Variants in GRM7 observed in about 807,000 individuals in gnomAD.
GRM7 encodes metabotropic glutamate receptor 7.
Under a neutral mutation model 84.5 loss-of-function variants are expected in GRM7, and 35 were observed. The ratio of observed to expected loss-of-function variants is 0.41; its 90% CI spans 0.32 to 0.55. GRM7 has a LOEUF of 0.55. Among genes scored for constraint, GRM7 ranks in the 20% least tolerant of loss-of-function variants. The pLI is 0.19. For synonymous variants in GRM7, 487 were observed against 455.1 expected (o/e 1.07, Z -0.89); for missense variants, 1,003 against 1,194.6 (o/e 0.84, Z 2.36).
chr3:7,722,448 C>CT (rs34076976), intron 9 of GRM7, among the ~76,000 whole-genome samples: 2,461 of 136,482 alleles, frequency 0.018, 46 homozygotes, highest in Non-Finnish European at 0.024. Context: ...ATCCTTGTGT[C>CT]TTTTTTTTTT....
intron 4 of GRM7, among the ~76,000 whole-genome samples, chr3:7,335,627 T>C (rs1315250782): frequency 6.6e-6 from 1 of 151,958 alleles, no homozygotes; most frequent in Non-Finnish European, 1.5e-5. Flanking sequence ...GCTGTTTCTT[T>C]GAAAAGATAA....
intron 4 of GRM7, among the ~76,000 whole-genome samples, chr3:7,354,838 C>A (rs1275100971): frequency 6.6e-6 from 1 of 152,196 alleles, no homozygotes; most frequent in Non-Finnish European, 1.5e-5. Context: ...CCATATCTGC[C>A]TATAAGGCGC....
chr3:7,637,197 G>A (rs541924276), intron 8 of GRM7, among the ~76,000 whole-genome samples: 1 of 152,256 alleles, frequency 6.6e-6, no homozygotes, highest in African/African-American at 2.4e-5. Context: ...AGGCTACAGT[G>A]CAGTGGCACA....
intron 4 of GRM7, among the ~76,000 whole-genome samples, chr3:7,406,431 C>T (rs1003114485): frequency 1.3e-5 from 2 of 149,334 alleles, no homozygotes; most frequent in Non-Finnish European, 3.0e-5. Context: ...ACCCGGGGGA[C>T]GGAGCTTGCA....
At chr3:6,881,642 A>G (rs190207737) in intron 1 of GRM7, among the ~76,000 whole-genome samples, 203 of 152,066 alleles carry the variant, frequency 1.3e-3, no homozygotes, top group Non-Finnish European at 2.4e-3. Flanking sequence ...ATGAACAGAT[A>G]CTTCTCAAAA....
intron 4 of GRM7, among the ~76,000 whole-genome samples, chr3:7,382,067 A>G (rs1034679989): frequency 6.6e-6 from 1 of 152,182 alleles, no homozygotes; most frequent in African/African-American, 2.4e-5. Context: ...ACCAACAGCC[A>G]TTCATCAATA....
chr3:7,525,849 C>A (rs797000278), intron 7 of GRM7, among the ~76,000 whole-genome samples: 19 of 152,190 alleles, frequency 1.2e-4, no homozygotes, highest in African/African-American at 4.3e-4. Flanking sequence ...AGGATAATAG[C>A]CTTCAGCTCC....
At chr3:7,507,753 G>A (rs1700080954) in intron 7 of GRM7, among the ~76,000 whole-genome samples, 1 of 152,134 alleles carries the variant, frequency 6.6e-6, no homozygotes, top group South Asian at 2.1e-4. Context: ...TTATAATTCA[G>A]TGTATTTTAT....
chr3:6,912,964 A>G (rs1427633923), intron 1 of GRM7, among the ~76,000 whole-genome samples: 3 of 152,190 alleles, frequency 2.0e-5, no homozygotes, highest in African/African-American at 7.2e-5. Context: ...TTGAGTGATT[A>G]TTCCAACAAA....
At chr3:6,982,673 A>G (rs1386238885) in intron 1 of GRM7, among the ~76,000 whole-genome samples, 2 of 151,852 alleles carry the variant, frequency 1.3e-5, no homozygotes, top group Non-Finnish European at 2.9e-5. Flanking sequence ...CTGGTAAACC[A>G]CTGATCTGTT....
In GRM7 at chr3:7,211,652, C is replaced by CAAAA. The variant is rs370634134; in HGVS notation, c.736+64997_736+65000dup. Among the ~76,000 whole-genome samples, 202 of 122,666 alleles carry CAAAA rather than the reference C, an allele frequency of 1.6e-3. 19 individuals carry two copies. The highest frequency in any genetic ancestry group is 4.2e-3 in the Middle Eastern group (1 of 236). 80.5% of individuals were successfully genotyped at this position (122,666 alleles called of 152,430 possible). ...AAAATTAGCTTTCTGTTCTCCCAAC[C>CAAAA]AAAAAAAAAAAAAAAATCACACTGA... On this transcript the variant is annotated intron_variant, in intron 2 of 9. Coordinates refer to ENST00000357716, the MANE Select transcript of GRM7 (RefSeq NM_000844.4).
intron 1 of GRM7, among the ~76,000 whole-genome samples, chr3:6,875,180 C>T (rs1220407777): frequency 1.3e-5 from 2 of 150,176 alleles, no homozygotes; most frequent in Non-Finnish European, 3.0e-5. Context: ...AAAATTGTAG[C>T]TATTTTTTTA....
intron 1 of GRM7, among the ~76,000 whole-genome samples, chr3:6,911,925 C>T (rs1435917449): frequency 1.3e-5 from 2 of 152,056 alleles, no homozygotes; most frequent in Non-Finnish European, 2.9e-5. Context: ...TCGTGTCAGC[C>T]ACATTCAAGT....
rs1394930168 is a variant in GRM7, at chr3:6,902,864, C to CAT, written c.519+40958_519+40959insTA. ...AAACAGACTCCTACACACACACACA[C>CAT]ACACACACACACACACACCCCTACT... is the stretch of plus-strand genomic sequence containing the variant. On this transcript the variant is annotated intron_variant, in intron 1 of 9. Coordinates refer to ENST00000357716, the MANE Select transcript of GRM7 (RefSeq NM_000844.4). Among the ~76,000 whole-genome samples, 275 of 151,748 alleles carry CAT rather than the reference C, an allele frequency of 1.8e-3. 1 individual carries two copies. The highest frequency in any genetic ancestry group is 6.4e-3 in the African/African-American group (263 of 41,328).
At chr3:7,064,333 C>T (rs1017332176) in intron 1 of GRM7, among the ~76,000 whole-genome samples, 5 of 150,452 alleles carry the variant, frequency 3.3e-5, no homozygotes, top group Admixed American at 2.7e-4. Context: ...GAACATATGA[C>T]ATTTGGTTTT....
intron 4 of GRM7, among the ~76,000 whole-genome samples, chr3:7,378,429 G>T (rs1335532907): frequency 1.3e-5 from 2 of 152,156 alleles, no homozygotes; most frequent in African/African-American, 4.8e-5. Context: ...ACTTGCATAA[G>T]CTAAACTGGG....
At chr3:7,245,692 A>G (rs1422513301) in intron 2 of GRM7, among the ~76,000 whole-genome samples, 4 of 152,096 alleles carry the variant, frequency 2.6e-5, no homozygotes, top group Non-Finnish European at 5.9e-5. Flanking sequence ...TTTGAAAAAC[A>G]TAAGGGAAAT....
At chr3:6,950,175 T>C (rs1692679353) in intron 1 of GRM7, among the ~76,000 whole-genome samples, 1 of 152,176 alleles carries the variant, frequency 6.6e-6, no homozygotes, top group African/African-American at 2.4e-5. Flanking sequence ...TTTTTCCCCA[T>C]CTTTGTGGTT....
intron 1 of GRM7, among the ~76,000 whole-genome samples, chr3:6,891,753 G>A (rs1181477594): frequency 2.0e-5 from 3 of 152,148 alleles, no homozygotes; most frequent in Non-Finnish European, 4.4e-5. Context: ...GGCGTTCTCT[G>A]TATTTCCTGA....
Sources: allele counts gnomAD v4.1 joint callset (sites outside exome capture counted in the v4.1 genomes callset), GRCh38; gene constraint gnomAD v4.1.1; transcripts MANE v1.5; gene names NCBI Gene and HGNC (gene_info 2026-07-23, HGNC 2026-07-21).